The following ABCG1 variants were observed in gnomAD, a reference collection of about 807,000 sequenced individuals.
ABCG1 encodes the protein ATP binding cassette subfamily G member 1.
In ABCG1, 29 loss-of-function variants were observed where a neutral mutation model predicts 69.2. The ratio of observed to expected loss-of-function variants is 0.42; its 90% CI spans 0.31 to 0.57. ABCG1 has a LOEUF of 0.57. ABCG1 is among the 20% of genes least tolerant of loss of function. The probability of loss-of-function intolerance (pLI) is 0.15; values close to 1 mark genes in which losing one functional copy is unlikely to be tolerated. For missense variants in ABCG1, 718 were observed against 898.1 expected (o/e 0.80, Z 2.56); for synonymous variants, 370 against 374.8 (o/e 0.99, Z 0.15).
At chr21:42,286,932 C>T (rs566191188) in intron 8 of ABCG1, among the ~76,000 whole-genome samples, 21 of 152,100 alleles carry the variant, frequency 1.4e-4, no homozygotes, top group Non-Finnish European at 1.3e-4. Flanking sequence ...GCTGTAGGCT[C>T]GTTTGGAGCC....
chr21:42,241,670 GT>G (rs2068054130), intron 2 of ABCG1, among the ~76,000 whole-genome samples: 1 of 151,194 alleles, frequency 6.6e-6, no homozygotes, highest in South Asian at 2.1e-4. Flanking sequence ...ATTTTATACT[GT>G]TTCCTAAGGG....
intron 2 of ABCG1, among the ~76,000 whole-genome samples, chr21:42,234,775 C>T (rs1313805383): frequency 6.6e-6 from 1 of 152,068 alleles, no homozygotes; most frequent in Non-Finnish European, 1.5e-5. Flanking sequence ...AGCTCAACGC[C>T]CGGGAGAAAA....
chr21:42,202,686 A>T (rs1311698196), intron 2 of ABCG1, among the ~76,000 whole-genome samples: 1 of 151,588 alleles, frequency 6.6e-6, no homozygotes, highest in Non-Finnish European at 1.5e-5. Context: ...ATCACAGCTC[A>T]CTGCAACCTC....
Position 42,288,139 on chromosome 21 carries a change from C to A in ABCG1, c.1123-72C>A. 2 of 1,611,486 alleles carry A rather than the reference C, an allele frequency of 1.2e-6. No homozygotes were observed. Among genetic ancestry groups the A allele is most frequent in the Non-Finnish European group, 1.7e-6 (2 of 1,177,628 alleles). On this transcript the variant is annotated intron_variant, in intron 9 of 14. Transcript: ENST00000398449. The surrounding 1 kb of genome is among the most constrained non-coding windows in gnomAD (Gnocchi z 4.8). ...GGCACCGTGCACTGCTGCATGAGAG[C>A]TCTTTCCGAGCAAGAAGGAGCCGTG...
intron 5 of ABCG1, among the ~76,000 whole-genome samples, chr21:42,281,699 G>A (rs978242194): frequency 6.6e-6 from 1 of 152,112 alleles, no homozygotes; most frequent in Admixed American, 6.5e-5. Context: ...GAGCCCTGGT[G>A]TGTGTGACCG....
intron 13 of ABCG1, among the ~76,000 whole-genome samples, chr21:42,294,091 C>G (rs2069154749): frequency 6.6e-6 from 1 of 152,180 alleles, no homozygotes; most frequent in South Asian, 2.1e-4. Flanking sequence ...CTGGGCTGCC[C>G]TCCCGGAGGT....
chr21:42,211,494 C>A (rs1745914518), upstream of ABCG1, among the ~76,000 whole-genome samples: 1 of 152,002 alleles, frequency 6.6e-6, no homozygotes, highest in South Asian at 2.1e-4. Flanking sequence ...CTCTTCTTTC[C>A]TTCCTTACTT....
chr21:42,271,881 T>A (rs2068624499), intron 3 of ABCG1, among the ~76,000 whole-genome samples: 2 of 152,146 alleles, frequency 1.3e-5, no homozygotes, highest in Non-Finnish European at 2.9e-5. Context: ...CGAGACTCCA[T>A]CTCAAAAACA....
intron 7 of ABCG1, 114 bp from the exon 8 acceptor site, chr21:42,285,766 C>T (rs1246079104): frequency 3.9e-6 from 3 of 763,116 alleles, no homozygotes; most frequent in South Asian, 3.1e-5. Flanking sequence ...AGTGGCTGAT[C>T]GCTGGGCTGA....
intron 2 of ABCG1, among the ~76,000 whole-genome samples, chr21:42,249,768 G>T (rs1026848105): frequency 6.6e-6 from 1 of 152,144 alleles, no homozygotes; most frequent in South Asian, 2.1e-4. Context: ...CACTTTGGGA[G>T]GCTGAGGCAG....
intron 2 of ABCG1, among the ~76,000 whole-genome samples, chr21:42,238,544 C>T (rs1402568949): frequency 6.6e-6 from 1 of 152,200 alleles, no homozygotes; most frequent in Non-Finnish European, 1.5e-5. Context: ...TCTGAGAGAT[C>T]TCTCAAGTAC....
At chr21:42,217,714 C>T (rs866694989), upstream of ABCG1, among the ~76,000 whole-genome samples, 36 of 90,446 alleles carry the variant, frequency 4.0e-4, no homozygotes, top group African/African-American at 1.0e-3. Flanking sequence ...TTTTTTGAGA[C>T]GGAGTCTCAC....
At chr21:42,243,202 C>G (rs1346132752) in intron 2 of ABCG1, among the ~76,000 whole-genome samples, 1 of 152,096 alleles carries the variant, frequency 6.6e-6, no homozygotes, top group African/African-American at 2.4e-5. Flanking sequence ...ACAGCAGGGC[C>G]AGGTGGTGTC....
upstream of ABCG1, among the ~76,000 whole-genome samples, chr21:42,217,196 A>C (rs1216657820): frequency 6.6e-6 from 1 of 152,182 alleles, no homozygotes. Flanking sequence ...AAGGTGAATC[A>C]ATCCCGCATA....
chr21:42,232,818 TTGTTTATAAATTGG>T (rs1601363987), intron 2 of ABCG1, among the ~76,000 whole-genome samples: 1 of 152,250 alleles, frequency 6.6e-6, no homozygotes, highest in African/African-American at 2.4e-5. Context: ...ACCGTTTCTT[TTGTTTATAAATTGG>T]CAGGAAGAAA....
intron 2 of ABCG1, among the ~76,000 whole-genome samples, chr21:42,270,339 A>G (rs1219233841): frequency 2.0e-5 from 3 of 150,830 alleles, no homozygotes; most frequent in Admixed American, 6.6e-5. Flanking sequence ...TTTATTATTT[A>G]CAGCACTTTT....
At position 42,203,731 on chromosome 21, in the gene ABCG1, C is replaced by A. The variant is rs557345155; in HGVS notation, c.48+2008C>A. Among the ~76,000 whole-genome samples the A allele has an allele frequency of 5.3e-5, 8 of 152,304 alleles. No individual in the cohort carries two copies. In the South Asian group the frequency reaches 1.4e-3, roughly 28 times the overall value. On this transcript the variant is annotated intron_variant, in intron 2 of 15. Transcript: ENST00000398457. ...TGTTTTCAAAATCGTTTCAACTATTCTAACTCCTTGGCCTTTCTTTAAATT... is the reference window on the plus strand; with the variant it reads ...TGTTTTCAAAATCGTTTCAACTATTATAACTCCTTGGCCTTTCTTTAAATT...
chr21:42,216,315 T>C, upstream of ABCG1: 1 of 331,194 alleles, frequency 3.0e-6, no homozygotes, highest in Non-Finnish European at 6.1e-6. Context: ...CTGTCAGCAA[T>C]GCCTTAGCAG....
chr21:42,266,857 A>T (rs2068514320), intron 2 of ABCG1, among the ~76,000 whole-genome samples: 3 of 152,106 alleles, frequency 2.0e-5, no homozygotes, highest in East Asian at 1.9e-4. Flanking sequence ...TCACTTAGGG[A>T]ATTAATTCCT....
Sources: allele counts gnomAD v4.1 joint callset (sites outside exome capture counted in the v4.1 genomes callset), GRCh38; gene constraint gnomAD v4.1.1; non-coding constraint Gnocchi (gnomAD v3.1); transcripts MANE v1.5; gene names NCBI Gene and HGNC (gene_info 2026-07-23, HGNC 2026-07-21).